CLMN: variants seen among roughly 807,000 people sequenced by gnomAD.
CLMN encodes the protein calmin (calponin-like, transmembrane).
Under a neutral mutation model 92.7 loss-of-function variants are expected in CLMN, and 57 were observed. The observed-to-expected ratio is 0.61, with a 90% CI of 0.50 to 0.77. The LOEUF is 0.77. Among genes scored for constraint, CLMN ranks in the 30% least tolerant of loss-of-function variants. The pLI is 0.00. For missense variants in CLMN, 1,158 were observed against 1,237.5 expected (o/e 0.94, Z 0.96); for synonymous variants, 466 against 470.6 (o/e 0.99, Z 0.13).
chr14:95,189,884 T>G lies in CLMN; in HGVS notation c.*1680A>C, dbSNP rs1896522125. 6.6e-6 allele frequency: 1 copy of G among 152,180 alleles called. No individual in the cohort carries two copies. The highest frequency in any genetic ancestry group is 1.5e-5 in the Non-Finnish European group (1 of 68,034). 9.4% of individuals were successfully genotyped at this position (152,180 alleles called of 1,614,324 possible). A position where few individuals can be genotyped will look rare whatever the true frequency, so the allele number is the denominator to read the frequency against. The stretch of plus-strand genomic sequence containing the variant: ...GGGAGACAGACTATAATCAGACTGG[T>G]TTAGAGGCCAGATTTTGGCTGTCAT... On this transcript the variant is annotated 3_prime_UTR_variant, in exon 13 of 13. Coordinates refer to ENST00000298912, the MANE Select transcript of CLMN (RefSeq NM_024734.4).
chr14:95,317,451 G>A (rs1172110815), intron 1 of CLMN, among the ~76,000 whole-genome samples: 1 of 152,090 alleles, frequency 6.6e-6, no homozygotes, highest in Non-Finnish European at 1.5e-5. Flanking sequence ...ATTCATAATA[G>A]CCCCAAACTG....
Position 95,211,354 on chromosome 14 carries a change from G to A in CLMN, c.609-475C>T, listed in dbSNP as rs1441839558. ...TGCTGGGGCTTTTGTGGGGAAAGTCGAGCCTGGCCCCAGAAGAACGGCCAA... is the reference window on the plus strand; with the variant it reads ...TGCTGGGGCTTTTGTGGGGAAAGTCAAGCCTGGCCCCAGAAGAACGGCCAA... On this transcript the variant is annotated intron_variant, in intron 6 of 12. Coordinates refer to ENST00000298912, the MANE Select transcript of CLMN (RefSeq NM_024734.4). Among the ~76,000 whole-genome samples, 4 of 152,092 alleles carry A rather than the reference G, an allele frequency of 2.6e-5. No homozygotes were observed. In the East Asian group the frequency reaches 7.7e-4, roughly 29 times the overall value.
At chr14:95,247,490 T>C (rs1898616325) in intron 1 of CLMN, among the ~76,000 whole-genome samples, 1 of 152,268 alleles carries the variant, frequency 6.6e-6, no homozygotes, top group Admixed American at 6.5e-5. Context: ...GTCGGATCTC[T>C]GCTGCACAGC....
intron 3 of CLMN, 33 bp from the exon 4 acceptor site, chr14:95,221,807 T>C: frequency 2.5e-6 from 4 of 1,599,540 alleles, no homozygotes; most frequent in Non-Finnish European, 3.4e-6. Flanking sequence ...ACAAGCACAT[T>C]AAACCCGCAC....
At chr14:95,306,504 T>C (rs545370875) in intron 1 of CLMN, among the ~76,000 whole-genome samples, 2 of 151,894 alleles carry the variant, frequency 1.3e-5, no homozygotes, top group African/African-American at 2.4e-5. Context: ...TGACCACACC[T>C]GGGTGACAGA....
intron 1 of CLMN, among the ~76,000 whole-genome samples, chr14:95,263,746 A>G (rs1383395936): frequency 6.6e-6 from 1 of 152,252 alleles, no homozygotes; most frequent in Non-Finnish European, 1.5e-5. Flanking sequence ...AACCTCGGAT[A>G]CATTTTGTAA....
At chr14:95,290,363 A>T (rs1045179390) in intron 1 of CLMN, among the ~76,000 whole-genome samples, 6 of 152,236 alleles carry the variant, frequency 3.9e-5, no homozygotes, top group Non-Finnish European at 5.9e-5. Context: ...CAGATGTGTT[A>T]AGGATCTTGA....
At chr14:95,213,068 T>G in intron 6 of CLMN, 151 bp downstream of exon 6, 3 of 791,864 alleles carry the variant, frequency 3.8e-6, no homozygotes, top group Non-Finnish European at 5.8e-6. Context: ...ATTACAGGCA[T>G]GAGCCACCGC....
chr14:95,270,531 AT>A (rs1899666686), intron 1 of CLMN, among the ~76,000 whole-genome samples: 1 of 152,240 alleles, frequency 6.6e-6, no homozygotes, highest in Non-Finnish European at 1.5e-5. Context: ...ATGGAATCAT[AT>A]AATATGTGGC....
chr14:95,253,312 A>G (rs77244452), intron 1 of CLMN, among the ~76,000 whole-genome samples: 22,901 of 152,150 alleles, frequency 0.15, 2,935 homozygotes, highest in African/African-American at 0.34. Context: ...TCCAGGTTGT[A>G]ACTTGCCCAA....
chr14:95,222,628 T>C (rs1897582788), intron 3 of CLMN: 3 of 455,784 alleles, frequency 6.6e-6, no homozygotes, highest in South Asian at 4.7e-5. Context: ...GCCTCTGTGC[T>C]GGGAGCATAA....
At chr14:95,290,023 G>A (rs1472650321) in intron 1 of CLMN, among the ~76,000 whole-genome samples, 1 of 152,182 alleles carries the variant, frequency 6.6e-6, no homozygotes, top group African/African-American at 2.4e-5. Context: ...CATTCTTTGG[G>A]GGATGTCTTT....
At chr14:95,213,713 G>A (rs924286265) in intron 5 of CLMN, among the ~76,000 whole-genome samples, 3 of 151,900 alleles carry the variant, frequency 2.0e-5, no homozygotes, top group South Asian at 4.2e-4. Flanking sequence ...CAACTCTGCC[G>A]CCCCTTTCCT....
chr14:95,210,908 G>C (rs765740432), intron 6 of CLMN, 29 bp from the exon 7 acceptor site: 1 of 1,490,494 alleles, frequency 6.7e-7, no homozygotes. Flanking sequence ...CGGCGGCCAG[G>C]ATGCTGGTTA....
In CLMN at chr14:95,292,147, C is replaced by T. The variant is rs537570602; in HGVS notation, c.82+27564G>A. The stretch of plus-strand genomic sequence containing the variant: ...CAGCGGCTCACTCCACACAACTACA[C>T]GTCCTTAACACCCTCTACACCATTT... On this transcript the variant is annotated intron_variant, in intron 1 of 12. Transcript: ENST00000298912. 2.6e-5 allele frequency among the ~76,000 whole-genome samples: 4 copies of T among 152,230 alleles called. No individual in the cohort carries two copies. The East Asian group carries it at 5.8e-4, about 22-fold the overall frequency.
intron 4 of CLMN, among the ~76,000 whole-genome samples, chr14:95,218,898 C>T (rs1897438021): frequency 6.6e-6 from 1 of 152,220 alleles, no homozygotes; most frequent in Admixed American, 6.5e-5. Flanking sequence ...TGACAGAAGG[C>T]CAGGCCTTCC....
intron 1 of CLMN, among the ~76,000 whole-genome samples, chr14:95,279,150 T>C (rs1177150790): frequency 6.6e-6 from 1 of 152,204 alleles, no homozygotes; most frequent in African/African-American, 2.4e-5. Flanking sequence ...AAATATTTTG[T>C]CAGAAAAATA....
chr14:95,298,441 T>C (rs759828101), intron 1 of CLMN, among the ~76,000 whole-genome samples: 32 of 152,110 alleles, frequency 2.1e-4, no homozygotes, highest in Non-Finnish European at 4.0e-4. Flanking sequence ...AACCAGAAAC[T>C]GTTCAAGGCG....
rs1207548171 is a variant in CLMN at position 95,184,763 on chromosome 14, A to T, written c.*6801T>A. 2 of 152,230 alleles carry T rather than the reference A, an allele frequency of 1.3e-5. No homozygotes were observed. The highest frequency in any genetic ancestry group is 2.9e-5 in the Non-Finnish European group (2 of 68,062). The allele number at this position is 152,230 out of a possible 1,614,324, so 9.4% of individuals were successfully genotyped here. On this transcript the variant is annotated 3_prime_UTR_variant, in exon 13 of 13. Coordinates refer to ENST00000298912, the MANE Select transcript of CLMN (RefSeq NM_024734.4). Reference sequence around the variant, plus strand: ...GCTCACCCCATGCCCTGTCTCACACACAATGGTAGAGAAGTGACAAGACCT... The same window carrying T: ...GCTCACCCCATGCCCTGTCTCACACTCAATGGTAGAGAAGTGACAAGACCT...
Sources: allele counts gnomAD v4.1 joint callset (sites outside exome capture counted in the v4.1 genomes callset), GRCh38; gene constraint gnomAD v4.1.1; transcripts MANE v1.5; gene names NCBI Gene and HGNC (gene_info 2026-07-23, HGNC 2026-07-21).